Variants in DENND5B observed in about 807,000 individuals in gnomAD.
The protein encoded by DENND5B is DENN domain containing 5B.
Under a neutral mutation model 140.6 loss-of-function variants are expected in DENND5B, and 34 were observed. The ratio of observed to expected loss-of-function variants is 0.24; its 90% confidence interval spans 0.18 to 0.32. The LOEUF (loss-of-function observed/expected upper bound fraction) is 0.32. Among genes scored for constraint, DENND5B ranks in the 10% least tolerant of loss-of-function variants. The pLI, the probability that DENND5B is intolerant of heterozygous loss-of-function variation, is 1.00. For synonymous variants in DENND5B, 551 were observed against 562.1 expected (o/e 0.98, Z 0.28); for missense variants, 1,142 against 1,560.2 (o/e 0.73, Z 4.52).
intron 7 of DENND5B, among the ~76,000 whole-genome samples, chr12:31,440,852 C>T (rs1943997540): frequency 6.6e-6 from 1 of 152,156 alleles, no homozygotes; most frequent in Non-Finnish European, 1.5e-5. Flanking sequence ...TCTCATGCCT[C>T]AGCCTCCCAA....
chr12:31,463,321 A>C (rs1411192352), intron 3 of DENND5B, among the ~76,000 whole-genome samples: 1 of 152,124 alleles, frequency 6.6e-6, no homozygotes, highest in Admixed American at 6.6e-5. Context: ...CACCAGGAGT[A>C]GGCAGAGACA....
chr12:31,493,111 G>A (rs1340799270), intron 2 of DENND5B, among the ~76,000 whole-genome samples: 2 of 152,134 alleles, frequency 1.3e-5, no homozygotes, highest in African/African-American at 4.8e-5. Context: ...CATTTCCAGT[G>A]TAGATCAAAA....
At chr12:31,415,083 C>T (rs1942660947) in intron 12 of DENND5B, among the ~76,000 whole-genome samples, 1 of 151,916 alleles carries the variant, frequency 6.6e-6, no homozygotes, top group African/African-American at 2.4e-5. Flanking sequence ...CCACCGAATT[C>T]CAGCCTGGGT....
rs779402495 is a variant in DENND5B, at chr12:31,433,216, C to T, written c.2045G>A (p.Arg682His). 10 of 1,613,650 alleles carry T rather than the reference C, an allele frequency of 6.2e-6. No homozygotes were observed. Among genetic ancestry groups the T allele is most frequent in the Admixed American group, 3.3e-5 (2 of 59,952 alleles). ...RWVSRSATAQRRKERLRQHSE... is the reference protein window; with the variant it reads ...RWVSRSATAQHRKERLRQHSE... ...ATGCTGGCGAAGGCGTTCTTTCCTG[C>T]GCTGTGCAGTGGCACTCCGACTTAC... The change falls in exon 8 of 21, where the codon CGC (arginine) becomes CAC (histidine). Residue 682 changes from arginine to histidine, a missense_variant. By Grantham distance (29) the Arg-to-His change is conservative. Coordinates refer to ENST00000389082, the MANE Select transcript of DENND5B (RefSeq NM_144973.4).
At chr12:31,570,348 C>T (rs1313688009) in intron 1 of DENND5B, among the ~76,000 whole-genome samples, 2 of 149,366 alleles carry the variant, frequency 1.3e-5, no homozygotes, top group Non-Finnish European at 1.5e-5. Flanking sequence ...ACGACTTTGG[C>T]TCACTACAAG....
chr12:31,443,946 TTA>T (rs1944163623), intron 6 of DENND5B: 1 of 152,186 alleles, frequency 6.6e-6, no homozygotes. Context: ...CATTTCTATT[TTA>T]AAACCACTAA....
At chr12:31,507,539 A>G (rs1947248743) in intron 1 of DENND5B, among the ~76,000 whole-genome samples, 1 of 152,178 alleles carries the variant, frequency 6.6e-6, no homozygotes, top group Non-Finnish European at 1.5e-5. Flanking sequence ...TGAATTCAAG[A>G]TCTAGAGTTC....
intron 1 of DENND5B, among the ~76,000 whole-genome samples, chr12:31,512,039 C>T (rs1310569535): frequency 6.6e-6 from 1 of 151,144 alleles, no homozygotes; most frequent in African/African-American, 2.4e-5. Flanking sequence ...ACCTCAGCCT[C>T]CTGAGTAGCT....
At chr12:31,478,530 C>T (rs370364277) in intron 3 of DENND5B, among the ~76,000 whole-genome samples, 3 of 152,022 alleles carry the variant, frequency 2.0e-5, no homozygotes, top group African/African-American at 7.2e-5. Flanking sequence ...CAGTGACAGT[C>T]CGTCTCTACA....
rs1948328487 is a variant in DENND5B at position 31,532,677 on chromosome 12, G to A, written c.128-36758C>T. On this transcript the variant is annotated intron_variant, in intron 1 of 20. Transcript: ENST00000389082. ...TTGATGGTACCTGATAAGTTATTGA[G>A]GATAAAATTAGATATGGGGGAATTG... Among the ~76,000 whole-genome samples, 3 of 152,064 alleles carry A rather than the reference G, an allele frequency of 2.0e-5. No homozygotes were observed. In the South Asian group the frequency reaches 6.2e-4, roughly 32 times the overall value.
intron 1 of DENND5B, among the ~76,000 whole-genome samples, chr12:31,571,617 A>ATTTTTT (rs5797419): frequency 6.7e-6 from 1 of 148,220 alleles, no homozygotes. Context: ...AAAAGCCACA[A>ATTTTTT]TTTTTTTTTT....
At chr12:31,480,283 GAATGCAGTACACAAAT>G (rs1329869115) in intron 2 of DENND5B, 28 bp from the exon 3 acceptor site, 1 of 1,454,978 alleles carries the variant, frequency 6.9e-7, no homozygotes, top group African/African-American at 1.4e-5. Context: ...AAAAAAATCA[GAATGCAGTACACAAAT>G]AACTTCAAGC....
chr12:31,500,104 G>A (rs1293979153), intron 1 of DENND5B, among the ~76,000 whole-genome samples: 1 of 152,138 alleles, frequency 6.6e-6, no homozygotes, highest in African/African-American at 2.4e-5. Context: ...ATATTTACAG[G>A]TTGAGCATCC....
chr12:31,399,644 A>G lies in DENND5B; in HGVS notation c.3068+10T>C. 6.2e-7 allele frequency: 1 copy of G among 1,607,592 alleles called. No homozygotes were observed. Among genetic ancestry groups the G allele is most frequent in the Non-Finnish European group, 8.5e-7 (1 of 1,174,936 alleles). On this transcript the variant is annotated intron_variant, in intron 16 of 20. Coordinates refer to ENST00000389082, the MANE Select transcript of DENND5B (RefSeq NM_144973.4). ...CAAAGAATTCTGAGTTCCCAAGGCC[A>G]TTTACTTACCTGTATGTATGTCCTG...
chr12:31,387,477 G>T lies in DENND5B; in HGVS notation c.*126C>A. ...CATTTTGCCTTGTCTGTAGAGTGAG[G>T]ATTGTTCCAAATGGGGCATATGTTT... is the stretch of plus-strand genomic sequence containing the variant. On this transcript the variant is annotated 3_prime_UTR_variant, in exon 21 of 21. Coordinates refer to ENST00000389082, the MANE Select transcript of DENND5B (RefSeq NM_144973.4). 1 of 936,182 alleles carries T rather than the reference G, an allele frequency of 1.1e-6. No individual in the cohort carries two copies. The highest frequency in any genetic ancestry group is 1.6e-6 in the Non-Finnish European group (1 of 626,676). 58.0% of individuals were successfully genotyped at this position (936,182 alleles called of 1,614,324 possible).
intron 3 of DENND5B, among the ~76,000 whole-genome samples, chr12:31,461,479 C>CA (rs1273792016): frequency 6.6e-6 from 1 of 152,202 alleles, no homozygotes; most frequent in Non-Finnish European, 1.5e-5. Flanking sequence ...TTTATACTTA[C>CA]ATATGTCCAC....
In DENND5B at chr12:31,415,383, G is replaced by T; in HGVS notation, c.2536C>A (p.Leu846Ile). 6.2e-7 allele frequency: 1 copy of T among 1,609,638 alleles called. No individual in the cohort carries two copies. Among genetic ancestry groups the T allele is most frequent in the South Asian group, 1.1e-5 (1 of 90,108 alleles). The change falls in exon 12 of 21, where the codon CTT becomes ATT. Residue 846 changes from leucine (L) to isoleucine (I), a missense_variant. Physicochemically the swap from Leu to Ile is conservative, Grantham distance 5. Around this residue, in one of 5 missense-constraint regions of DENND5B, gnomAD observed 268 missense variants for 349.2 expected, o/e 0.77. Transcript: ENST00000389082. ...GVMLPTLRVS[L>I]IQDMRHIQNM... ...AACAAATACCTCATGTCCTGAATAA[G>T]AGAGACCCTGAGCGTTGGCAACATA...
intron 1 of DENND5B, among the ~76,000 whole-genome samples, chr12:31,538,057 T>C (rs148180143): frequency 0.015 from 2,250 of 152,316 alleles, 31 homozygotes; most frequent in Middle Eastern, 0.037. Context: ...TAATAATAGC[T>C]GGTAACTTCA....
chr12:31,438,363 C>A (rs964794222), intron 7 of DENND5B, among the ~76,000 whole-genome samples: 1 of 152,176 alleles, frequency 6.6e-6, no homozygotes, highest in Admixed American at 6.5e-5. Context: ...GAAATGTATT[C>A]ATTATCCTAA....
Sources: allele counts gnomAD v4.1 joint callset (sites outside exome capture counted in the v4.1 genomes callset), GRCh38; gene constraint gnomAD v4.1.1; regional missense constraint gnomAD v4.1.1; transcripts MANE v1.5; gene names NCBI Gene and HGNC (gene_info 2026-07-23, HGNC 2026-07-21).